Variants in SMARCA4 observed in about 807,000 individuals in gnomAD.
The protein encoded by SMARCA4 is SWI/SNF-related matrix-associated actin-dependent regulator of chromatin subfamily A member 4.
In SMARCA4, 31 loss-of-function variants were observed where a neutral mutation model predicts 193.9. That is an observed-to-expected ratio of 0.16 (90% CI 0.12 to 0.22). The LOEUF is 0.22. SMARCA4 is among the 10% of genes least tolerant of loss of function. SMARCA4 has a pLI of 1.00. For missense variants in SMARCA4, 1,148 were observed against 2,296.0 expected (o/e 0.50, Z 10.22); for synonymous variants, 942 against 933.1 (o/e 1.01, Z -0.17).
At chr19:10,989,072 A>T (rs768432544) in intron 6 of SMARCA4, among the ~76,000 whole-genome samples, 2 of 152,190 alleles carry the variant, frequency 1.3e-5, no homozygotes. Flanking sequence ...CACACCACTG[A>T]AAAGGCATGA....
rs752310534 is a variant in SMARCA4, at chr19:11,027,805, G to T, written c.3237G>T (p.Ser1079=). The change falls in exon 24 of 35, where the codon TCG becomes TCT. Residue 1079 remains serine (S), a synonymous_variant. Coordinates refer to ENST00000344626, the MANE Select transcript of SMARCA4 (RefSeq NM_003072.5). ...IVQGLDLYRA[S]GKFELLDRIL... is the part of the protein sequence containing the mutation. ...CCAGGCTGGACCTGTACCGAGCCTC[G>T]GGTAAATTTGAGCTTCTTGATAGAA... 2 of 1,613,982 alleles carry T rather than the reference G, an allele frequency of 1.2e-6. No individual in the cohort carries two copies. The highest frequency in any genetic ancestry group is 1.7e-6 in the Non-Finnish European group (2 of 1,180,044).
At chr19:11,013,201 C>T in intron 16 of SMARCA4, 89 bp downstream of exon 16, 14 of 1,429,758 alleles carry the variant, frequency 9.8e-6, no homozygotes, top group South Asian at 2.4e-5. Context: ...ATACCACAAA[C>T]GAGGTGGCTT....
intron 30 of SMARCA4, among the ~76,000 whole-genome samples, chr19:11,045,464 T>C (rs1471235504): frequency 1.3e-5 from 2 of 152,336 alleles, no homozygotes; most frequent in East Asian, 3.9e-4. Context: ...ACTGGGGATA[T>C]TCTCTCTATA....
rs1167714399 is a variant in SMARCA4 at position 10,985,818 on chromosome 19, A to G, written c.356-371A>G. 6.6e-6 allele frequency among the ~76,000 whole-genome samples: 1 copy of G among 152,166 alleles called. No individual in the cohort carries two copies. Among genetic ancestry groups the G allele is most frequent in the African/African-American group, 2.4e-5 (1 of 41,452 alleles). On this transcript the variant is annotated intron_variant, in intron 3 of 34. Coordinates refer to ENST00000344626, the MANE Select transcript of SMARCA4 (RefSeq NM_003072.5). The surrounding 1 kb of genome is among the most constrained non-coding windows in gnomAD (Gnocchi z 4.5). ...GGTGACTTTCCAAGGCCTTGCTGTC[A>G]TCAGGGGTGGGAAGCTCAGGGGCTG... is the stretch of plus-strand genomic sequence containing the variant.
chr19:11,020,752 T>G (rs1445151163), intron 18 of SMARCA4: 1 of 152,214 alleles, frequency 6.6e-6, no homozygotes, highest in African/African-American at 2.4e-5. Context: ...GAGCTGTTTA[T>G]GGGTGGCTCC....
chr19:11,059,616 G>A (rs1315405202), intron 32 of SMARCA4, 137 bp from the exon 33 acceptor site: 8 of 971,614 alleles, frequency 8.2e-6, no homozygotes, highest in African/African-American at 1.6e-5. Context: ...CTGAAGCCCC[G>A]ACCCGCTGAG....
chr19:10,994,801 A>T lies in SMARCA4; in HGVS notation c.1420-27A>T, dbSNP rs781246320. Reference sequence around the variant, plus strand: ...GTGTCCACCATGCTGCTGAAGGGTCAGCCTTCTCTTTTGTGCTTTCCTGCA... The same window carrying T: ...GTGTCCACCATGCTGCTGAAGGGTCTGCCTTCTCTTTTGTGCTTTCCTGCA... On this transcript the variant is annotated intron_variant, in intron 8 of 34. Coordinates refer to ENST00000344626, the MANE Select transcript of SMARCA4 (RefSeq NM_003072.5). The T allele has an allele frequency of 3.7e-6, 6 of 1,608,974 alleles. 1 individual carries two copies. The South Asian group carries it at 6.6e-5, about 18-fold the overall frequency.
At chr19:10,968,053 A>G (rs146720479) in intron 1 of SMARCA4, among the ~76,000 whole-genome samples, 6,956 of 150,312 alleles carry the variant, frequency 0.046, 192 homozygotes, top group South Asian at 0.085. Context: ...GGGTTTCACC[A>G]TGTTAGCCAG....
At chr19:11,007,822 T>G in intron 13 of SMARCA4, 80 bp from the exon 14 acceptor site, 2 of 1,511,332 alleles carry the variant, frequency 1.3e-6, no homozygotes, top group South Asian at 2.3e-5. Flanking sequence ...CACTTGCTTC[T>G]GAGACTGTTC....
chr19:11,055,227 T>G (rs2076475166), intron 30 of SMARCA4, among the ~76,000 whole-genome samples: 1 of 152,122 alleles, frequency 6.6e-6, no homozygotes, highest in Non-Finnish European at 1.5e-5. Flanking sequence ...TCTCACTCTG[T>G]CGCCCAGGCT....
At position 11,019,539 on chromosome 19, in the gene SMARCA4, A is replaced by T. The variant is rs2146370760; in HGVS notation, c.2506-52A>T. On this transcript the variant is annotated intron_variant, in intron 17 of 34. Transcript: ENST00000344626. This position sits in a 1 kb window ranked among gnomAD's most constrained non-coding sequence, Gnocchi z 6.1. ...AGGGGGTGCCTGTGCCCCTCTTGCC[A>T]CCTGGCCACCCGGCTCCAAAAGCCG... The T allele has an allele frequency of 7.9e-7, 1 of 1,265,296 alleles. No homozygotes were observed. Among genetic ancestry groups the T allele is most frequent in the Non-Finnish European group, 1.1e-6 (1 of 881,778 alleles). The allele number at this position is 1,265,296 out of a possible 1,614,324, so 78.4% of individuals were successfully genotyped here. A position where few individuals can be genotyped will look rare whatever the true frequency, so the allele number is the denominator to read the frequency against.
At chr19:11,021,589 C>G in intron 18 of SMARCA4, 136 bp from the exon 19 acceptor site, 1 of 1,122,732 alleles carries the variant, frequency 8.9e-7, no homozygotes, top group South Asian at 1.3e-5. Flanking sequence ...GGCAGGACGT[C>G]AGGCCTGTGC....
chr19:11,003,559 C>T (rs1048850972), intron 13 of SMARCA4, among the ~76,000 whole-genome samples, 162 bp downstream of exon 13: 1 of 152,132 alleles, frequency 6.6e-6, no homozygotes, highest in African/African-American at 2.4e-5. Flanking sequence ...CTGTCCTATC[C>T]AATAGGGCAG....
intron 9 of SMARCA4, chr19:10,995,994 G>A (rs539500663): frequency 7.3e-5 from 46 of 630,588 alleles, no homozygotes; most frequent in African/African-American, 4.1e-4. Flanking sequence ...GGCTGCTGGC[G>A]GGACTGTCTG....
At position 10,996,281 on chromosome 19, in the gene SMARCA4, G is replaced by A. The variant is rs1206658090; in HGVS notation, c.1662G>A (p.Leu554=). 5.0e-6 allele frequency: 8 copies of A among 1,614,244 alleles called. No individual in the cohort carries two copies. In the Middle Eastern group the frequency reaches 1.2e-3, roughly 233 times the overall value. Reference sequence around the variant, plus strand: ...AGGACAAGCGCCTGGCCTACCTCTTGCAGCAGACAGACGAGTACGTGGCTA... The same window carrying A: ...AGGACAAGCGCCTGGCCTACCTCTTACAGCAGACAGACGAGTACGTGGCTA... The part of the protein sequence containing the change: ...QKKDKRLAYL[L]QQTDEYVANL... Residue 554 remains leucine (L), a synonymous_variant, in exon 10 of 35, where the codon TTG becomes TTA. Coordinates refer to ENST00000344626, the MANE Select transcript of SMARCA4 (RefSeq NM_003072.5).
chr19:11,011,718 G>T (rs79434744), intron 15 of SMARCA4: 7,405 of 152,256 alleles, frequency 0.049, 244 homozygotes, highest in South Asian at 0.1. Flanking sequence ...GCTGGGGGTG[G>T]TAGCACACAT....
intron 12 of SMARCA4, 37 bp downstream of exon 12, chr19:11,003,196 C>G: frequency 6.2e-7 from 1 of 1,613,600 alleles, no homozygotes; most frequent in Non-Finnish European, 8.5e-7. Context: ...CAGTGGGGAT[C>G]CAAGTCCTCG....
intron 33 of SMARCA4, 66 bp from the exon 34 acceptor site, chr19:11,059,979 C>T (rs111672015): frequency 6.2e-7 from 1 of 1,611,580 alleles, no homozygotes; most frequent in Non-Finnish European, 8.5e-7. Flanking sequence ...CTCCCAGACG[C>T]CCCTTGCTGT....
At chr19:11,003,222 G>A (rs2146102626) in intron 12 of SMARCA4, 63 bp downstream of exon 12, 1 of 1,611,938 alleles carries the variant, frequency 6.2e-7, no homozygotes, top group African/African-American at 1.3e-5. Context: ...CCTTGTTCCA[G>A]GGAGGTGGCA....
Sources: gnomAD v4.1 joint callset for allele counts (sites outside exome capture counted in the v4.1 genomes callset) on GRCh38, gnomAD v4.1.1 for gene constraint, Gnocchi (gnomAD v3.1) non-coding constraint, MANE v1.5 for transcripts, NCBI Gene and HGNC (gene_info 2026-07-23, HGNC 2026-07-21) for gene names.